KCNH1: variants seen among roughly 807,000 people sequenced by gnomAD.
KCNH1 encodes potassium voltage-gated channel subfamily H member 1, also known as voltage-gated delayed rectifier potassium channel KCNH1.
KCNH1 carries 27 observed loss-of-function variants against 69.2 expected under a neutral mutation model. That is an observed-to-expected ratio of 0.39 (90% confidence interval 0.29 to 0.54). The LOEUF is 0.54. Ranked by LOEUF, KCNH1 falls within the 20% of genes least tolerant of loss-of-function variation. The pLI, the probability that KCNH1 is intolerant of heterozygous loss-of-function variation, is 0.68. For synonymous variants in KCNH1, 456 were observed against 487.7 expected (o/e 0.93, Z 0.86); for missense variants, 798 against 1,261.6 (o/e 0.63, Z 5.57).
At chr1:210,924,070 G>A (rs1442229983) in intron 6 of KCNH1, among the ~76,000 whole-genome samples, 2 of 152,112 alleles carry the variant, frequency 1.3e-5, no homozygotes, top group African/African-American at 4.8e-5. Flanking sequence ...CAGATTAGAG[G>A]GATGTATCTT....
At chr1:211,015,454 G>C (rs1689475576) in intron 6 of KCNH1, among the ~76,000 whole-genome samples, 1 of 152,120 alleles carries the variant, frequency 6.6e-6, no homozygotes, top group Non-Finnish European at 1.5e-5. Flanking sequence ...AGACCTCCAT[G>C]GTCCTGTCAG....
chr1:211,092,709 A>G (rs1691073466), intron 3 of KCNH1, among the ~76,000 whole-genome samples: 1 of 152,102 alleles, frequency 6.6e-6, no homozygotes. Context: ...ATTTTAAACC[A>G]TTTTCAATTA....
At chr1:210,981,730 G>C (rs1485885796) in intron 6 of KCNH1, among the ~76,000 whole-genome samples, 1 of 152,088 alleles carries the variant, frequency 6.6e-6, no homozygotes, top group Non-Finnish European at 1.5e-5. Context: ...AAAACTTCCT[G>C]GCAAACTTGT....
intron 7 of KCNH1, among the ~76,000 whole-genome samples, chr1:210,895,770 T>C (rs1686853147): frequency 6.6e-6 from 1 of 152,018 alleles, no homozygotes; most frequent in South Asian, 2.1e-4. Flanking sequence ...AAAAAAATAC[T>C]CTTGGACGTG....
intron 5 of KCNH1, among the ~76,000 whole-genome samples, chr1:211,074,447 C>G (rs1448386180): frequency 6.6e-6 from 1 of 152,060 alleles, no homozygotes; most frequent in East Asian, 1.9e-4. Flanking sequence ...TTTGCATCCT[C>G]TTTTGGGGAA....
intron 7 of KCNH1, among the ~76,000 whole-genome samples, chr1:210,836,111 CAAAAAAAAAA>C (rs776429016): frequency 2.1e-5 from 2 of 93,376 alleles, no homozygotes; most frequent in East Asian, 6.4e-4. Flanking sequence ...GTCTCCGTCT[CAAAAAAAAAA>C]AAAAAAAAAA....
intron 10 of KCNH1, among the ~76,000 whole-genome samples, chr1:210,721,835 AAAAG>A (rs964110434): frequency 2.0e-5 from 3 of 152,038 alleles, no homozygotes; most frequent in Admixed American, 6.6e-5. Flanking sequence ...AAATAAATGA[AAAAG>A]AAAGAGGCTG....
At chr1:210,965,476 G>C (rs1342822968) in intron 6 of KCNH1, among the ~76,000 whole-genome samples, 1 of 151,860 alleles carries the variant, frequency 6.6e-6, no homozygotes, top group Non-Finnish European at 1.5e-5. Flanking sequence ...ACTACTCTAA[G>C]TTTCATATGG....
Position 210,919,619 on chromosome 1 carries a change from C to A in KCNH1, c.1462+21G>T. The A allele has an allele frequency of 6.3e-7, 1 of 1,598,892 alleles. No individual in the cohort carries two copies. On this transcript the variant is annotated intron_variant, in intron 7 of 10. Transcript: ENST00000271751. The surrounding 1 kb of genome is among the most constrained non-coding windows in gnomAD (Gnocchi z 4.2). ...CTAACAGAAGAGATGGCCAACCCCACCCCAGCACTGTCATACTTACAGCCA... is the reference window on the plus strand; with the variant it reads ...CTAACAGAAGAGATGGCCAACCCCAACCCAGCACTGTCATACTTACAGCCA...
At chr1:210,973,462 T>C (rs1393716694) in intron 6 of KCNH1, among the ~76,000 whole-genome samples, 1 of 152,114 alleles carries the variant, frequency 6.6e-6, no homozygotes, top group Non-Finnish European at 1.5e-5. Context: ...ATGATTCCCA[T>C]CCATATAGCT....
intron 9 of KCNH1, among the ~76,000 whole-genome samples, chr1:210,781,739 A>G: frequency 6.6e-6 from 1 of 152,220 alleles, no homozygotes; most frequent in South Asian, 2.1e-4. Flanking sequence ...TGACTAAGAC[A>G]AAAAGAGAAT....
intron 7 of KCNH1, among the ~76,000 whole-genome samples, chr1:210,918,089 G>C (rs1018925678): frequency 2.0e-5 from 3 of 152,170 alleles, no homozygotes; most frequent in African/African-American, 7.2e-5. Flanking sequence ...CCTGCAGAGA[G>C]GGCTTTTATG....
intron 6 of KCNH1, among the ~76,000 whole-genome samples, chr1:210,987,362 C>T (rs145472281): frequency 0.038 from 5,770 of 152,228 alleles, 221 homozygotes; most frequent in South Asian, 0.12. Flanking sequence ...AGGCACTCTG[C>T]TTTTTAGAGT....
intron 7 of KCNH1, among the ~76,000 whole-genome samples, chr1:210,870,543 T>C (rs1686217165): frequency 6.6e-6 from 1 of 152,218 alleles, no homozygotes; most frequent in South Asian, 2.1e-4. Flanking sequence ...CCATCTCTGC[T>C]AACAGCTTCA....
Position 210,912,939 on chromosome 1 carries a change from G to A in KCNH1, c.1462+6701C>T, listed in dbSNP as rs573305627. Among the ~76,000 whole-genome samples, 9 of 152,314 alleles carry A rather than the reference G, an allele frequency of 5.9e-5. No homozygotes were observed. The East Asian group carries it at 9.6e-4, about 16-fold the overall frequency. Reference sequence around the variant, plus strand: ...AGCAGGCAAAAAAGATAGCCATGACGTCACAAGAATGTTCACAGAGCAGTA... The same window carrying A: ...AGCAGGCAAAAAAGATAGCCATGACATCACAAGAATGTTCACAGAGCAGTA... On this transcript the variant is annotated intron_variant, in intron 7 of 10. Coordinates refer to ENST00000271751, the MANE Select transcript of KCNH1 (RefSeq NM_172362.3).
chr1:210,714,876 A>G (rs545408878), intron 10 of KCNH1, among the ~76,000 whole-genome samples: 7 of 152,324 alleles, frequency 4.6e-5, no homozygotes, highest in African/African-American at 1.7e-4. Flanking sequence ...TGGCTGATGT[A>G]TAACCTCATT....
intron 3 of KCNH1, among the ~76,000 whole-genome samples, chr1:211,101,202 C>T (rs558747999): frequency 3.6e-4 from 55 of 152,312 alleles, no homozygotes; most frequent in South Asian, 6.2e-4. Flanking sequence ...CCTACAGATG[C>T]TGTAAGAGCA....
intron 9 of KCNH1, among the ~76,000 whole-genome samples, chr1:210,794,480 C>T (rs1574260086): frequency 6.6e-6 from 1 of 152,198 alleles, no homozygotes; most frequent in East Asian, 1.9e-4. Flanking sequence ...AGTAGAGGCC[C>T]TCTAGATTTA....
chr1:211,132,240 T>G (rs1384846044), intron 1 of KCNH1, among the ~76,000 whole-genome samples: 1 of 152,212 alleles, frequency 6.6e-6, no homozygotes, highest in Non-Finnish European at 1.5e-5. Context: ...CAAGATTGTC[T>G]CCATACCCCT....
Sources: gnomAD v4.1 joint callset for allele counts (sites outside exome capture counted in the v4.1 genomes callset) on GRCh38, gnomAD v4.1.1 for gene constraint, Gnocchi (gnomAD v3.1) non-coding constraint, MANE v1.5 for transcripts, NCBI Gene and HGNC (gene_info 2026-07-23, HGNC 2026-07-21) for gene names.